Variants in GAB2 observed in about 807,000 individuals in gnomAD.
The protein encoded by GAB2 is GRB2 associated binding protein 2, also known as GRB2-associated-binding protein 2.
Under a neutral mutation model 65.5 loss-of-function variants are expected in GAB2, and 26 were observed. The ratio of observed to expected loss-of-function variants is 0.40; its 90% CI spans 0.29 to 0.55. The LOEUF (loss-of-function observed/expected upper bound fraction) is 0.55, where lower values mean the gene tolerates loss of function less well. Among genes scored for constraint, GAB2 ranks in the 20% least tolerant of loss-of-function variants. The pLI is 0.53. For synonymous variants in GAB2, 321 were observed against 329.6 expected, an observed-to-expected ratio of 0.97 and a Z score of 0.28; for missense variants, 884 against 875.8, an observed-to-expected ratio of 1.01 and a Z score of -0.12.
At chr11:78,398,173 C>G (rs1307365368) in intron 1 of GAB2, among the ~76,000 whole-genome samples, 1 of 152,222 alleles carries the variant, frequency 6.6e-6, no homozygotes, top group East Asian at 1.9e-4. Flanking sequence ...CAGCAGAACT[C>G]CAATTGGCAT....
chr11:78,224,417 T>G (rs1864560596), intron 5 of GAB2, among the ~76,000 whole-genome samples: 1 of 152,120 alleles, frequency 6.6e-6, no homozygotes, highest in Non-Finnish European at 1.5e-5. Flanking sequence ...GGGCCAGTTG[T>G]GTTTCCCCAG....
intron 1 of GAB2, among the ~76,000 whole-genome samples, chr11:78,323,681 G>A (rs1855768312): frequency 6.6e-6 from 1 of 151,548 alleles, no homozygotes; most frequent in South Asian, 2.1e-4. Context: ...GAAACTACCT[G>A]TTGGGCACTA....
chr11:78,219,249 TG>T lies in GAB2; in HGVS notation c.*22del. 6.2e-7 allele frequency: 1 copy of T among 1,610,914 alleles called. No individual in the cohort carries two copies. Among genetic ancestry groups the T allele is most frequent in the Middle Eastern group, 2.0e-4 (1 of 5,106 alleles). On this transcript the variant is annotated 3_prime_UTR_variant, in exon 10 of 10. Transcript: ENST00000361507. ...GGCCAGCTCTGGAGATGCTGCCTCC[TG>T]GGCTCTGCGGTGGCCCTCTCATCAC...
At position 78,318,983 on chromosome 11, in the gene GAB2, A is replaced by AT. The variant is rs574345586; in HGVS notation, c.76-38083dup. 1.9e-3 allele frequency among the ~76,000 whole-genome samples: 286 copies of AT among 152,198 alleles called. 1 individual carries two copies. Among genetic ancestry groups the AT allele is most frequent in the African/African-American group, 6.5e-3 (270 of 41,526 alleles). On this transcript the variant is annotated intron_variant, in intron 1 of 9. Transcript: ENST00000361507. Reference sequence around the variant, plus strand: ...CTCACAGCATTATCCCAGCAACCTCATCCCCTAACAATGGTGTGGTCTGTG... The same window carrying AT: ...CTCACAGCATTATCCCAGCAACCTCATTCCCCTAACAATGGTGTGGTCTGTG...
intron 1 of GAB2, among the ~76,000 whole-genome samples, chr11:78,356,230 T>G (rs1000057505): frequency 2.6e-5 from 4 of 151,542 alleles, no homozygotes; most frequent in Admixed American, 1.3e-4. Context: ...GTTTAGAAAT[T>G]AGACCCCTTC....
intron 3 of GAB2, among the ~76,000 whole-genome samples, chr11:78,239,816 T>G (rs1865078568): frequency 6.6e-6 from 1 of 152,208 alleles, no homozygotes; most frequent in South Asian, 2.1e-4. Flanking sequence ...GGAAGTTGCC[T>G]AGGGTCCACA....
At chr11:78,241,482 A>C (rs1366474968) in intron 3 of GAB2, among the ~76,000 whole-genome samples, 1 of 152,240 alleles carries the variant, frequency 6.6e-6, no homozygotes, top group African/African-American at 2.4e-5. Flanking sequence ...GGAGATCAAC[A>C]AATTACAGAA....
intron 1 of GAB2, among the ~76,000 whole-genome samples, chr11:78,357,199 T>C (rs1025296757): frequency 3.9e-5 from 6 of 152,180 alleles, no homozygotes; most frequent in Non-Finnish European, 5.9e-5. Context: ...AAAGCAGAAA[T>C]TCTGGAAAGA....
intron 1 of GAB2, among the ~76,000 whole-genome samples, chr11:78,408,817 C>T (rs1480282817): frequency 6.6e-6 from 1 of 152,170 alleles, no homozygotes; most frequent in Admixed American, 6.6e-5. Flanking sequence ...TCCTCCTGCT[C>T]CAGCCATGTA....
chr11:78,330,720 C>T (rs1855900436), intron 1 of GAB2, among the ~76,000 whole-genome samples: 1 of 152,130 alleles, frequency 6.6e-6, no homozygotes, highest in Admixed American at 6.5e-5. Context: ...CTCTTCCCAC[C>T]CCCTCCTTTT....
chr11:78,303,140 C>A (rs1214851729), intron 1 of GAB2, among the ~76,000 whole-genome samples: 4 of 152,122 alleles, frequency 2.6e-5, no homozygotes, highest in African/African-American at 9.7e-5. Flanking sequence ...CAAATCACCA[C>A]TAAAGAACTT....
intron 3 of GAB2, among the ~76,000 whole-genome samples, chr11:78,232,249 T>G (rs1411523262): frequency 2.6e-5 from 4 of 152,252 alleles, no homozygotes; most frequent in Non-Finnish European, 5.9e-5. Flanking sequence ...TATAGACTAC[T>G]GCTGCAGGGT....
intron 5 of GAB2, among the ~76,000 whole-genome samples, chr11:78,224,111 G>C (rs891795770): frequency 1.3e-5 from 2 of 152,082 alleles, no homozygotes; most frequent in African/African-American, 4.8e-5. Context: ...AAAGGAAGCA[G>C]AGTGGGAGAC....
intron 1 of GAB2, among the ~76,000 whole-genome samples, chr11:78,368,791 A>G (rs546838909): frequency 1.3e-5 from 2 of 152,170 alleles, no homozygotes; most frequent in East Asian, 1.9e-4. Flanking sequence ...TTAAAGTCAG[A>G]TAAGTCCAGG....
chr11:78,221,431 C>T (rs894027557), intron 8 of GAB2, among the ~76,000 whole-genome samples: 2 of 152,208 alleles, frequency 1.3e-5, no homozygotes, highest in Non-Finnish European at 2.9e-5. Context: ...TCATGAGAGG[C>T]AGGCCCCTGC....
At chr11:78,346,331 C>T (rs892340562) in intron 1 of GAB2, among the ~76,000 whole-genome samples, 2 of 152,178 alleles carry the variant, frequency 1.3e-5, no homozygotes, top group Admixed American at 6.5e-5. Flanking sequence ...TATCATCTCA[C>T]ATCCTTACTC....
intron 1 of GAB2, among the ~76,000 whole-genome samples, chr11:78,389,950 A>G (rs963939423): frequency 5.3e-5 from 8 of 152,230 alleles, no homozygotes; most frequent in African/African-American, 1.7e-4. Context: ...CATGGATAAG[A>G]TAATACTTTG....
intron 3 of GAB2, among the ~76,000 whole-genome samples, chr11:78,240,620 T>C (rs1052301305): frequency 6.6e-6 from 1 of 152,120 alleles, no homozygotes; most frequent in Non-Finnish European, 1.5e-5. Context: ...AGAGGGACCA[T>C]GTAGAGTCAC....
At chr11:78,250,035 A>C in intron 3 of GAB2, 122 bp downstream of exon 3, 1 of 1,010,026 alleles carries the variant, frequency 9.9e-7, no homozygotes, top group Non-Finnish European at 1.5e-6. Flanking sequence ...GTTTTGTCAT[A>C]GACGTGTTTG....
Sources: allele counts gnomAD v4.1 joint callset (sites outside exome capture counted in the v4.1 genomes callset), GRCh38; gene constraint gnomAD v4.1.1; transcripts MANE v1.5; gene names NCBI Gene and HGNC (gene_info 2026-07-23, HGNC 2026-07-21).